The following PIK3R4 variants were observed in gnomAD, a reference collection of about 807,000 sequenced individuals.
The protein encoded by PIK3R4 is phosphoinositide-3-kinase regulatory subunit 4.
A neutral mutation model predicts 136.5 loss-of-function variants in PIK3R4; 46 were observed. The ratio of observed to expected loss-of-function variants is 0.34; its 90% confidence interval spans 0.27 to 0.43. The LOEUF (loss-of-function observed/expected upper bound fraction) is 0.43. PIK3R4 is among the 20% of genes least tolerant of loss of function. PIK3R4 has a pLI of 1.00. For missense variants in PIK3R4, 1,331 were observed against 1,649.5 expected, an observed-to-expected ratio of 0.81 and a Z score of 3.35; for synonymous variants, 557 against 566.7, an observed-to-expected ratio of 0.98 and a Z score of 0.24.
chr3:130,711,338 TCTAGAGAGAGTTGCCAGG>T (rs2066631599), intron 9 of PIK3R4, among the ~76,000 whole-genome samples: 2 of 152,050 alleles, frequency 1.3e-5, no homozygotes, highest in African/African-American at 4.8e-5. Flanking sequence ...AGCAATACTG[TCTAGAGAGAGTTGCCAGG>T]CTATGGCAGA....
At chr3:130,714,847 T>C (rs2066653463) in intron 9 of PIK3R4, among the ~76,000 whole-genome samples, 1 of 152,208 alleles carries the variant, frequency 6.6e-6, no homozygotes, top group Non-Finnish European at 1.5e-5. Flanking sequence ...CAGTCTATCA[T>C]TGATGGGCAT....
chr3:130,713,316 G>T (rs576802662), intron 9 of PIK3R4, among the ~76,000 whole-genome samples: 4 of 152,162 alleles, frequency 2.6e-5, no homozygotes, highest in Admixed American at 1.3e-4. Context: ...TAAAATGGGG[G>T]ATTATTTGTT....
intron 2 of PIK3R4, among the ~76,000 whole-genome samples, chr3:130,738,529 A>G (rs934943853): frequency 3.3e-5 from 5 of 152,216 alleles, no homozygotes; most frequent in African/African-American, 1.2e-4. Context: ...TGTCAGCTGT[A>G]AGAGCAAAGT....
chr3:130,738,850 A>G (rs1420262075), intron 2 of PIK3R4, among the ~76,000 whole-genome samples: 4 of 152,220 alleles, frequency 2.6e-5, no homozygotes, highest in Non-Finnish European at 5.9e-5. Flanking sequence ...GTCTATACCA[A>G]TAATAAATAA....
chr3:130,688,584 T>C (rs1026233049), intron 14 of PIK3R4, among the ~76,000 whole-genome samples: 3 of 152,226 alleles, frequency 2.0e-5, no homozygotes, highest in Non-Finnish European at 2.9e-5. Flanking sequence ...CATTTAAGAT[T>C]CATCAATGTT....
intron 9 of PIK3R4, among the ~76,000 whole-genome samples, chr3:130,710,319 AAC>A (rs1453194109): frequency 6.6e-6 from 1 of 152,162 alleles, no homozygotes; most frequent in African/African-American, 2.4e-5. Context: ...AACATATTTC[AAC>A]ACATTAACAG....
intron 9 of PIK3R4, among the ~76,000 whole-genome samples, chr3:130,709,754 C>G (rs1193070659): frequency 1.3e-5 from 2 of 152,034 alleles, no homozygotes; most frequent in African/African-American, 4.8e-5. Flanking sequence ...ACATTAAGAT[C>G]AGTGAAAGAA....
intron 2 of PIK3R4, among the ~76,000 whole-genome samples, chr3:130,742,831 C>G (rs2066831766): frequency 6.6e-6 from 1 of 152,150 alleles, no homozygotes. Flanking sequence ...TATCAGAGTA[C>G]CACTCTCAAC....
chr3:130,707,860 T>C (rs1048437421), intron 10 of PIK3R4, among the ~76,000 whole-genome samples: 4 of 152,232 alleles, frequency 2.6e-5, no homozygotes, highest in African/African-American at 7.2e-5. Flanking sequence ...TTGTATTTCA[T>C]TGTTAATAGC....
intron 19 of PIK3R4, among the ~76,000 whole-genome samples, chr3:130,680,259 C>T (rs564720488): frequency 2.0e-5 from 3 of 152,292 alleles, no homozygotes; most frequent in Admixed American, 2.0e-4. Context: ...ACAAACTTTA[C>T]AGTCCCAAAG....
intron 13 of PIK3R4, among the ~76,000 whole-genome samples, chr3:130,692,023 C>T (rs1319087088): frequency 1.3e-5 from 2 of 151,528 alleles, no homozygotes; most frequent in Admixed American, 6.6e-5. Context: ...TACAGGCGCC[C>T]ACCACCACAC....
At chr3:130,681,615 C>A in intron 16 of PIK3R4, 24 bp from the exon 17 acceptor site, 3 of 1,392,534 alleles carry the variant, frequency 2.2e-6, no homozygotes, top group Non-Finnish European at 3.0e-6. Flanking sequence ...AGGCCAGAAT[C>A]TTGACTCAGA....
At chr3:130,727,637 T>C (rs1019531310) in intron 6 of PIK3R4, among the ~76,000 whole-genome samples, 13 of 152,232 alleles carry the variant, frequency 8.5e-5, no homozygotes, top group African/African-American at 2.9e-4. Flanking sequence ...GTTACAACTA[T>C]GTGGGAAATG....
chr3:130,726,437 T>G (rs1032720291), intron 6 of PIK3R4, among the ~76,000 whole-genome samples: 6 of 152,094 alleles, frequency 3.9e-5, no homozygotes, highest in Admixed American at 1.3e-4. Context: ...ATTTTACAGA[T>G]AGGTAAACTA....
chr3:130,708,505 A>G lies in PIK3R4; in HGVS notation c.2332-13T>C. 1 of 1,601,130 alleles carries G rather than the reference A, an allele frequency of 6.2e-7. No homozygotes were observed. Among genetic ancestry groups the G allele is most frequent in the Non-Finnish European group, 8.6e-7 (1 of 1,169,550 alleles). On this transcript the variant is annotated splice_polypyrimidine_tract_variant and intron_variant, in intron 9 of 19. Transcript: ENST00000356763. ...CCTCTGTCATTCCCTAAAACCAAAT[A>G]AAACCATATGTTCTAGTTTATTTTC... is the stretch of plus-strand genomic sequence containing the variant.
chr3:130,685,349 T>C (rs2066483481), intron 15 of PIK3R4, among the ~76,000 whole-genome samples: 2 of 152,196 alleles, frequency 1.3e-5, no homozygotes, highest in African/African-American at 4.8e-5. Context: ...TTAATACATG[T>C]ATCAAAACAT....
intron 2 of PIK3R4, among the ~76,000 whole-genome samples, chr3:130,738,523 A>T (rs1334110353): frequency 6.6e-6 from 1 of 152,194 alleles, no homozygotes; most frequent in Admixed American, 6.5e-5. Flanking sequence ...TGGCTTTGTC[A>T]GCTGTAAGAG....
At chr3:130,684,098 A>G in intron 16 of PIK3R4, 152 bp downstream of exon 16, 2 of 615,974 alleles carry the variant, frequency 3.2e-6, no homozygotes, top group Admixed American at 2.7e-5. Context: ...GATGACAGTG[A>G]GGTATCAATA....
intron 8 of PIK3R4, among the ~76,000 whole-genome samples, chr3:130,717,989 GA>G (rs2066675085): frequency 6.6e-6 from 1 of 152,120 alleles, no homozygotes; most frequent in Admixed American, 6.5e-5. Context: ...AGTTAGCGGT[GA>G]AAAACTTAAA....
Sources: gnomAD v4.1 joint callset for allele counts (sites outside exome capture counted in the v4.1 genomes callset) on GRCh38, gnomAD v4.1.1 for gene constraint, MANE v1.5 for transcripts, NCBI Gene and HGNC (gene_info 2026-07-23, HGNC 2026-07-21) for gene names.